The following PTK2 variants were observed in gnomAD, a reference collection of about 807,000 sequenced individuals.
PTK2 encodes the protein protein tyrosine kinase 2.
In PTK2, 45 loss-of-function variants were observed where a neutral mutation model predicts 150.1. That is an observed-to-expected ratio of 0.30 (90% CI 0.24 to 0.38). The LOEUF (loss-of-function observed/expected upper bound fraction) is 0.38, where lower values mean the gene tolerates loss of function less well. PTK2 is among the 10% of genes least tolerant of loss of function. PTK2 has a pLI of 1.00. For missense variants in PTK2, 919 were observed against 1,307.3 expected, an observed-to-expected ratio of 0.70 and a Z score of 4.58; for synonymous variants, 432 against 449.2, an observed-to-expected ratio of 0.96 and a Z score of 0.48.
chr8:140,973,500 G>A (rs556554875), intron 1 of PTK2, among the ~76,000 whole-genome samples: 7 of 150,432 alleles, frequency 4.7e-5, no homozygotes, highest in African/African-American at 7.3e-5. Context: ...ACACACACAC[G>A]TAAAAAAAAA....
intron 4 of PTK2, among the ~76,000 whole-genome samples, chr8:140,868,445 C>T (rs2100140642): frequency 6.6e-6 from 1 of 152,154 alleles, no homozygotes; most frequent in African/African-American, 2.4e-5. Context: ...ATGCTAAGAT[C>T]AGTGGGTGAA....
chr8:140,704,318 T>A (rs2100032452), intron 24 of PTK2, among the ~76,000 whole-genome samples: 1 of 152,186 alleles, frequency 6.6e-6, no homozygotes. Context: ...GAAAGGTTAA[T>A]CATACATTAG....
intron 1 of PTK2, among the ~76,000 whole-genome samples, chr8:141,000,087 T>TCTCACACACACACACA (rs765058833): frequency 1.3e-4 from 11 of 81,650 alleles, no homozygotes; most frequent in South Asian, 4.3e-4. Flanking sequence ...TGAAACCAAT[T>TCTCACACACACACACA]CACACACACA....
chr8:140,902,945 T>TG (rs2100159297), intron 2 of PTK2, among the ~76,000 whole-genome samples: 2 of 140,760 alleles, frequency 1.4e-5, no homozygotes, highest in South Asian at 2.3e-4. Context: ...TTTTTTTTTT[T>TG]TTTTTTTTTT....
intron 1 of PTK2, among the ~76,000 whole-genome samples, chr8:140,994,967 C>T (rs1394003233): frequency 6.6e-6 from 1 of 151,744 alleles, no homozygotes; most frequent in Non-Finnish European, 1.5e-5. Context: ...GCCTGTAATC[C>T]CAGCTACTCA....
chr8:140,987,319 T>C (rs1206698186), intron 1 of PTK2, among the ~76,000 whole-genome samples: 2 of 152,170 alleles, frequency 1.3e-5, no homozygotes, highest in African/African-American at 2.4e-5. Flanking sequence ...TAGCTGGAAT[T>C]ACAAGCGTCC....
Position 140,908,007 on chromosome 8 carries a change from T to C in PTK2, c.-32-17238A>G, listed in dbSNP as rs549823656. Among the ~76,000 whole-genome samples, 198 of 152,310 alleles carry C rather than the reference T, an allele frequency of 1.3e-3. 1 individual carries two copies. The highest frequency in any genetic ancestry group is 4.6e-3 in the African/African-American group (192 of 41,572). On this transcript the variant is annotated intron_variant, in intron 2 of 31. Coordinates refer to ENST00000522684, the Ensembl canonical transcript of PTK2. ...ATCAAACGCTAGAAATGATTAAGCC[T>C]AGTGAAGAAAGCATGTCAAAAGCTG...
At position 140,668,894 on chromosome 8, in the gene PTK2, C is replaced by T. The variant is rs531170986; in HGVS notation, c.2710-470G>A. On this transcript the variant is annotated intron_variant, in intron 29 of 31. Transcript: ENST00000522684. ...ATGGCTCAGCTTAGCTGCCCTCAGC[C>T]GCCTAATGGAAACATGTTCTTTGTA... The T allele has an allele frequency of 1.2e-3, 189 of 155,318 alleles. 2 individuals carry two copies. Among genetic ancestry groups the T allele is most frequent in the Admixed American group, 4.5e-3 (72 of 16,120 alleles). 9.6% of individuals were successfully genotyped at this position (155,318 alleles called of 1,614,324 possible).
chr8:140,704,804 T>A (rs2100032742), intron 24 of PTK2, among the ~76,000 whole-genome samples: 1 of 152,148 alleles, frequency 6.6e-6, no homozygotes, highest in Admixed American at 6.5e-5. Context: ...GAAATGGTAG[T>A]AATCCAAACT....
chr8:140,856,652 A>G (rs1172858209), intron 5 of PTK2, among the ~76,000 whole-genome samples: 1 of 152,206 alleles, frequency 6.6e-6, no homozygotes, highest in Non-Finnish European at 1.5e-5. Context: ...GGGAAGGGTC[A>G]GTGGGAAACT....
intron 31 of PTK2, among the ~76,000 whole-genome samples, chr8:140,661,710 GGAGT>G (rs777222232): frequency 7.2e-5 from 11 of 152,178 alleles, no homozygotes; most frequent in Non-Finnish European, 1.3e-4. Context: ...TGGCAGGAGA[GGAGT>G]GAGTGAGGAA....
At chr8:141,000,015 GAAAAA>G (rs36146347) in intron 1 of PTK2, among the ~76,000 whole-genome samples, 1 of 124,924 alleles carries the variant, frequency 8.0e-6, no homozygotes, top group Non-Finnish European at 1.6e-5. Flanking sequence ...AAATGACTCG[GAAAAA>G]AAAAAAAAAA....
intron 21 of PTK2, among the ~76,000 whole-genome samples, chr8:140,738,817 C>T (rs1049174460): frequency 2.0e-5 from 3 of 152,138 alleles, no homozygotes; most frequent in East Asian, 3.8e-4. Context: ...ACTGTGGACC[C>T]TTACAGAAGC....
In PTK2 at chr8:140,967,334, T is replaced by C. The variant is rs572654376; in HGVS notation, c.-122+33791A>G. 9.2e-5 allele frequency among the ~76,000 whole-genome samples: 14 copies of C among 152,292 alleles called. No individual in the cohort carries two copies. The East Asian group carries it at 2.7e-3, about 29-fold the overall frequency. On this transcript the variant is annotated intron_variant, in intron 1 of 31. Coordinates refer to ENST00000522684, the Ensembl canonical transcript of PTK2. Reference sequence around the variant, plus strand: ...CAGCTGAGTAATGTTCAATATGACATATTGACAAATTATAAGTTATCTGGC... The same window carrying C: ...CAGCTGAGTAATGTTCAATATGACACATTGACAAATTATAAGTTATCTGGC...
chr8:140,954,644 T>A (rs2100180619), intron 1 of PTK2: 1 of 152,196 alleles, frequency 6.6e-6, no homozygotes, highest in Admixed American at 6.5e-5. Context: ...CTACCTTTTG[T>A]TTATTTCTAT....
chr8:140,668,559 A>G lies in PTK2; in HGVS notation c.2710-135T>C, dbSNP rs2093770709. Reference sequence around the variant, plus strand: ...TCATTGATTTTCTTGTGTGTGCGGGATATAGTTCAGATTGAGAATGACAGT... The same window carrying G: ...TCATTGATTTTCTTGTGTGTGCGGGGTATAGTTCAGATTGAGAATGACAGT... On this transcript the variant is annotated intron_variant, in intron 29 of 31. Coordinates refer to ENST00000522684, the Ensembl canonical transcript of PTK2. The G allele has an allele frequency of 4.0e-6, 4 of 989,028 alleles. No homozygotes were observed. The African/African-American group carries it at 4.9e-5, about 12-fold the overall frequency. The allele number at this position is 989,028 out of a possible 1,614,324, so 61.3% of individuals were successfully genotyped here.
chr8:140,961,756 G>C (rs1367032728), intron 1 of PTK2, among the ~76,000 whole-genome samples: 1 of 151,962 alleles, frequency 6.6e-6, no homozygotes. Context: ...AGTACTTATA[G>C]TACACATTTT....
intron 2 of PTK2, among the ~76,000 whole-genome samples, chr8:140,912,412 T>C (rs1298701495): frequency 6.6e-6 from 1 of 152,094 alleles, no homozygotes; most frequent in East Asian, 1.9e-4. Context: ...CAGGACTTCT[T>C]GAGCCCAGGA....
intron 1 of PTK2, among the ~76,000 whole-genome samples, chr8:140,956,484 T>G (rs1272694811): frequency 6.6e-6 from 1 of 152,260 alleles, no homozygotes; most frequent in Non-Finnish European, 1.5e-5. Flanking sequence ...TAAACAATTA[T>G]GTTACTGGCT....
Sources: gnomAD v4.1 joint callset for allele counts (sites outside exome capture counted in the v4.1 genomes callset) on GRCh38, gnomAD v4.1.1 for gene constraint, MANE v1.5 for transcripts, NCBI Gene and HGNC (gene_info 2026-07-23, HGNC 2026-07-21) for gene names.